Variants in SAA2 observed in about 807,000 individuals in gnomAD.
SAA2 encodes serum amyloid A-2 protein.
Under a neutral mutation model 9.1 loss-of-function variants are expected in SAA2, and 5 were observed. The ratio of observed to expected loss-of-function variants is 0.55; its 90% CI spans 0.29 to 1.16. The LOEUF (loss-of-function observed/expected upper bound fraction) is 1.16, where lower values mean the gene tolerates loss of function less well. SAA2 is among the 50% of genes most tolerant of loss of function. The pLI is 0.09. For synonymous variants in SAA2, 49 were observed against 59.8 expected (o/e 0.82, Z 0.83); for missense variants, 94 against 153.8 (o/e 0.61, Z 2.06).
chr11:18,241,640 T>C (rs1391820748), downstream of SAA2, among the ~76,000 whole-genome samples: 2 of 152,080 alleles, frequency 1.3e-5, no homozygotes, highest in Non-Finnish European at 2.9e-5. Flanking sequence ...TTATCTTAAG[T>C]GAAATAACCC....
chr11:18,248,014 T>C lies in SAA2; in HGVS notation c.-3A>G. 2 of 1,612,548 alleles carry C rather than the reference T, an allele frequency of 1.2e-6. No individual in the cohort carries two copies. The highest frequency in any genetic ancestry group is 4.5e-5 in the East Asian group (2 of 44,790). ...ACCAGGCCCGTGAGAAGCTTCATGG[T>C]GCTGAAATGAAAGGAGAAGTCAGGC... On this transcript the variant is annotated splice_region_variant and 5_prime_UTR_variant, in exon 2 of 4. Transcript: ENST00000256733.
At position 18,239,991 on chromosome 11, in the gene SAA2, G is replaced by A. The variant is rs1033797478; in HGVS notation, c.231-22C>T. The A allele has an allele frequency of 7.7e-6, 12 of 1,550,122 alleles. No homozygotes were observed. In the African/African-American group the frequency reaches 1.5e-4, roughly 19 times the overall value. On this transcript the variant is annotated intron_variant, in intron 3 of 3. Coordinates refer to the SAA2 transcript ENST00000414546. ...TAAACTGACAAAGGCAGATTAATAGGAGAAAAAGTCATATACACGTATTTT... is the reference window on the plus strand; with the variant it reads ...TAAACTGACAAAGGCAGATTAATAGAAGAAAAAGTCATATACACGTATTTT...
chr11:18,246,139 C>T, intron 2 of SAA2, 91 bp from the exon 3 acceptor site: 6 of 1,492,580 alleles, frequency 4.0e-6, no homozygotes, highest in Non-Finnish European at 5.5e-6. Context: ...GACAAATCTT[C>T]CACTGACTTC....
chr11:18,243,481 A>G (rs118045476), downstream of SAA2, among the ~76,000 whole-genome samples: 191 of 152,242 alleles, frequency 1.3e-3, 2 homozygotes, highest in East Asian at 0.035. Flanking sequence ...ACTTTACTAG[A>G]CTGAACACTA....
chr11:18,246,319 C>T (rs1386947524), intron 2 of SAA2, among the ~76,000 whole-genome samples: 1 of 152,174 alleles, frequency 6.6e-6, no homozygotes, highest in Non-Finnish European at 1.5e-5. Flanking sequence ...ACATGGAATA[C>T]TGATGCTGAG....
chr11:18,246,567 C>CT (rs1204662799), intron 2 of SAA2, among the ~76,000 whole-genome samples: 1 of 152,194 alleles, frequency 6.6e-6, no homozygotes, highest in Non-Finnish European at 1.5e-5. Flanking sequence ...GAGTCTCACT[C>CT]TGTCACCCAG....
chr11:18,248,025 A>T lies in SAA2; in HGVS notation c.-4-10T>A. The T allele has an allele frequency of 5.6e-6, 9 of 1,612,302 alleles. No individual in the cohort carries two copies. The highest frequency in any genetic ancestry group is 7.6e-6 in the Non-Finnish European group (9 of 1,179,362). On this transcript the variant is annotated splice_polypyrimidine_tract_variant and intron_variant, in intron 1 of 3. Coordinates refer to ENST00000256733, the MANE Select transcript of SAA2 (RefSeq NM_030754.5). ...GAGAAGCTTCATGGTGCTGAAATGA[A>T]AGGAGAAGTCAGGCAGTCGCCCACA...
At chr11:18,239,662 C>G in exon 4 of SAA2, 1 of 423,010 alleles carries the variant, frequency 2.4e-6, no homozygotes, top group Non-Finnish European at 4.2e-6. Flanking sequence ...TCTGGAACAC[C>G]ATGCTTTCCT....
downstream of SAA2, chr11:18,240,277 A>G: frequency 1.4e-6 from 1 of 702,616 alleles, no homozygotes; most frequent in Non-Finnish European, 2.6e-6. Context: ...TGTATTCCTC[A>G]GTCATCTTCT....
downstream of SAA2, among the ~76,000 whole-genome samples, chr11:18,240,616 A>G (rs946775599): frequency 2.6e-5 from 4 of 152,218 alleles, no homozygotes; most frequent in Non-Finnish European, 4.4e-5. Flanking sequence ...CAACAAAAAC[A>G]TACAGTGGGG....
chr11:18,245,330 C>T lies in SAA2; in HGVS notation c.*47G>A, dbSNP rs558668520. ...CCTCACTAACTTTGTATCCCTGCCC[C>T]GAGGGCCTCATAGCCAGGTCTCCTG... is the stretch of plus-strand genomic sequence containing the variant. On this transcript the variant is annotated 3_prime_UTR_variant, in exon 4 of 4. Transcript: ENST00000256733. 218 of 1,610,980 alleles carry T rather than the reference C, an allele frequency of 1.4e-4. No homozygotes were observed. The highest frequency in any genetic ancestry group is 7.8e-4 in the East Asian group (35 of 44,828).
intron 2 of SAA2, among the ~76,000 whole-genome samples, chr11:18,246,994 G>A (rs553158021): frequency 4.3e-4 from 65 of 152,100 alleles, no homozygotes; most frequent in Non-Finnish European, 6.3e-4. Context: ...TCAGTGATGC[G>A]TCTACCTGGC....
chr11:18,245,383 T>C lies in SAA2; in HGVS notation c.363A>G (p.Lys121=). 1 of 1,614,210 alleles carries C rather than the reference T, an allele frequency of 6.2e-7. No individual in the cohort carries two copies. The change falls in exon 4 of 4, where the codon AAA becomes AAG. Residue 121 remains lysine (K), a synonymous_variant. Coordinates refer to ENST00000256733, the MANE Select transcript of SAA2 (RefSeq NM_030754.5). ...AGCAGAGTGAAGAGGAAGCTCAGTA[T>C]TTCTCAGGCAGGCCAGCAGGTCGGA... ...NHFRPAGLPE[K]Y
At chr11:18,240,666 G>T (rs1313610872), downstream of SAA2, among the ~76,000 whole-genome samples, 1 of 152,062 alleles carries the variant, frequency 6.6e-6, no homozygotes, top group African/African-American at 2.4e-5. Flanking sequence ...GATAAAAGTG[G>T]ATAGCCATAT....
At chr11:18,246,903 G>T (rs112002597) in intron 2 of SAA2, among the ~76,000 whole-genome samples, 1 of 148,408 alleles carries the variant, frequency 6.7e-6, no homozygotes, top group Admixed American at 6.7e-5. Context: ...TGCAGACTCT[G>T]CTGGGGAGTT....
rs552780664 is a variant in SAA2, at chr11:18,239,624, A to G, written c.*324T>C. ...CCTCAACTGCTAAGCAGAATCTGAT[A>G]CTACTAATCAATATCTCCATCAGGG... On this transcript the variant is annotated 3_prime_UTR_variant, in exon 4 of 4. Coordinates refer to the SAA2 transcript ENST00000414546. 1.2e-5 allele frequency: 5 copies of G among 411,540 alleles called. No homozygotes were observed. The Admixed American group carries it at 1.7e-4, about 14-fold the overall frequency. 25.5% of individuals were successfully genotyped at this position (411,540 alleles called of 1,614,324 possible). A position where few individuals can be genotyped will look rare whatever the true frequency, so the allele number is the denominator to read the frequency against.
downstream of SAA2, chr11:18,242,666 C>G (rs866969760): frequency 3.1e-6 from 2 of 635,148 alleles, no homozygotes; most frequent in African/African-American, 3.6e-5. Flanking sequence ...GGTGACACGG[C>G]GAAACCCCAT....
downstream of SAA2, among the ~76,000 whole-genome samples, chr11:18,241,166 A>G (rs1274941026): frequency 6.6e-6 from 1 of 152,194 alleles, no homozygotes; most frequent in African/African-American, 2.4e-5. Flanking sequence ...TTTAATCACA[A>G]ATTAAAACCA....
chr11:18,241,272 A>G (rs1237078150), downstream of SAA2, among the ~76,000 whole-genome samples: 1 of 152,220 alleles, frequency 6.6e-6, no homozygotes, highest in Non-Finnish European at 1.5e-5. Flanking sequence ...GGGAATGCTT[A>G]TACACTGCTC....
Sources: allele counts gnomAD v4.1 joint callset (sites outside exome capture counted in the v4.1 genomes callset), GRCh38; gene constraint gnomAD v4.1.1; transcripts MANE v1.5; gene names NCBI Gene and HGNC (gene_info 2026-07-23, HGNC 2026-07-21).